The following PAX5 variants were observed in gnomAD, a reference collection of about 807,000 sequenced individuals.
The protein encoded by PAX5 is paired box 5, also known as paired box protein Pax-5.
PAX5 carries 9 observed loss-of-function variants against 43.7 expected under a neutral mutation model. The observed-to-expected ratio is 0.21, with a 90% CI of 0.12 to 0.36. The LOEUF is 0.36. Among genes scored for constraint, PAX5 ranks in the 10% least tolerant of loss-of-function variants. The pLI is 1.00. For missense variants in PAX5, 383 were observed against 532.7 expected (o/e 0.72, Z 2.77); for synonymous variants, 228 against 214.3 (o/e 1.06, Z -0.56).
At chr9:36,941,839 C>T (rs903425140) in intron 6 of PAX5, among the ~76,000 whole-genome samples, 2 of 152,234 alleles carry the variant, frequency 1.3e-5, no homozygotes, top group South Asian at 4.1e-4. Flanking sequence ...GCCTCCAGGA[C>T]ATGAGACTCA....
chr9:36,838,766 G>C lies in PAX5; in HGVS notation c.*1794C>G, dbSNP rs986901752. 4 of 233,306 alleles carry C rather than the reference G, an allele frequency of 1.7e-5. No homozygotes were observed. Among genetic ancestry groups the C allele is most frequent in the African/African-American group, 6.6e-5 (3 of 45,334 alleles). The allele number at this position is 233,306 out of a possible 1,614,324, so 14.5% of individuals were successfully genotyped here. A position where few individuals can be genotyped will look rare whatever the true frequency, so the allele number is the denominator to read the frequency against. On this transcript the variant is annotated 3_prime_UTR_variant, in exon 10 of 10. Coordinates refer to ENST00000358127, the MANE Select transcript of PAX5 (RefSeq NM_016734.3). ...CACAGCCCCGGCTCCCTGGAGAGAGGAGGGGAAGGAAAGAGCTGTGGGGTG... is the reference window on the plus strand; with the variant it reads ...CACAGCCCCGGCTCCCTGGAGAGAGCAGGGGAAGGAAAGAGCTGTGGGGTG...
At chr9:36,930,037 C>T (rs1285728730) in intron 6 of PAX5, among the ~76,000 whole-genome samples, 2 of 150,544 alleles carry the variant, frequency 1.3e-5, no homozygotes, top group East Asian at 4.0e-4. Context: ...GCCACAGACT[C>T]TTATAAGACC....
chr9:36,863,876 T>C (rs75414298), intron 8 of PAX5, among the ~76,000 whole-genome samples: 178 of 152,246 alleles, frequency 1.2e-3, no homozygotes, highest in Middle Eastern at 3.4e-3. Context: ...TTTGGGAGGC[T>C]AAGGTGGGCG....
At position 36,833,695 on chromosome 9, in the gene PAX5, G is replaced by GA. The variant is rs35920033; in HGVS notation, c.*6864dup. ...ACACAAAAGCAACACACGTCACTAA[G>GA]AAAAAAACCACCAATATTTCAAGTC... On this transcript the variant is annotated 3_prime_UTR_variant, in exon 10 of 10. Transcript: ENST00000358127. The GA allele has an allele frequency of 0.037, 8,517 of 231,024 alleles. 195 individuals are homozygous for GA. Among genetic ancestry groups the GA allele is most frequent in the African/African-American group, 0.067 (3,007 of 44,846 alleles). The allele number at this position is 231,024 out of a possible 1,614,324, so 14.3% of individuals were successfully genotyped here.
At chr9:36,977,786 G>A (rs918219295) in intron 5 of PAX5, among the ~76,000 whole-genome samples, 2 of 152,222 alleles carry the variant, frequency 1.3e-5, no homozygotes, top group Non-Finnish European at 2.9e-5. Flanking sequence ...GAACCACCAT[G>A]TCCAGCCTTA....
At chr9:36,965,492 A>T (rs1432665878) in intron 6 of PAX5, among the ~76,000 whole-genome samples, 1 of 152,268 alleles carries the variant, frequency 6.6e-6, no homozygotes, top group Non-Finnish European at 1.5e-5. Context: ...AGACACAGAC[A>T]GACTGTCATA....
In PAX5 at chr9:36,941,481, C is replaced by T. The variant is rs140975099; in HGVS notation, c.781-17997G>A. 9.2e-5 allele frequency among the ~76,000 whole-genome samples: 14 copies of T among 152,256 alleles called. No individual in the cohort carries two copies. In the East Asian group the frequency reaches 2.1e-3, roughly 23 times the overall value. ...CCCATGCATCACCCAGTATGCCGGG[C>T]GTGAATCTCCTGTCCTGGCTCCAGC... On this transcript the variant is annotated intron_variant, in intron 6 of 9. Transcript: ENST00000358127.
Position 36,864,811 on chromosome 9 carries a change from G to A in PAX5, c.1012+17193C>T, listed in dbSNP as rs1824688177. On this transcript the variant is annotated intron_variant, in intron 8 of 9. Coordinates refer to ENST00000358127, the MANE Select transcript of PAX5 (RefSeq NM_016734.3). ...TGCCCCTCGGAGCCCCTCCTGGCTGGAGTGAGGAGGGTGGGCCGGCGCCGG... is the reference window on the plus strand; with the variant it reads ...TGCCCCTCGGAGCCCCTCCTGGCTGAAGTGAGGAGGGTGGGCCGGCGCCGG... 3.3e-5 allele frequency among the ~76,000 whole-genome samples: 5 copies of A among 152,352 alleles called. No individual in the cohort carries two copies. In the South Asian group the frequency reaches 1.0e-3, roughly 32 times the overall value.
chr9:36,910,815 G>T (rs550027490), intron 7 of PAX5, among the ~76,000 whole-genome samples: 1 of 152,148 alleles, frequency 6.6e-6, no homozygotes, highest in African/African-American at 2.4e-5. Context: ...GAGTCAGGCC[G>T]CCGGACCTCT....
chr9:37,012,094 G>A (rs1026945009), intron 3 of PAX5, among the ~76,000 whole-genome samples: 7 of 152,170 alleles, frequency 4.6e-5, no homozygotes, highest in African/African-American at 1.7e-4. Context: ...AGGAGCCAGA[G>A]AATACTCCCA....
chr9:36,840,762 T>G, intron 9 of PAX5, 126 bp from the exon 10 acceptor site: 1 of 624,526 alleles, frequency 1.6e-6, no homozygotes, highest in Non-Finnish European at 2.8e-6. Flanking sequence ...AAGATCTCTG[T>G]CCCAGTCTGT....
chr9:36,973,981 C>T (rs781116510), intron 5 of PAX5, among the ~76,000 whole-genome samples: 1 of 152,116 alleles, frequency 6.6e-6, no homozygotes, highest in African/African-American at 2.4e-5. Context: ...GCCTGGGCAA[C>T]AGAGTAAGAC....
In PAX5 at chr9:37,025,253, C is replaced by A. The variant is rs142914281; in HGVS notation, c.47-4452G>T. On this transcript the variant is annotated intron_variant, in intron 1 of 9. Transcript: ENST00000358127. Reference sequence around the variant, plus strand: ...GAGAAACTGACCTGCCCGCAGCCAGCCCTGGCTGCCTACACAAGCTTTCCC... The same window carrying A: ...GAGAAACTGACCTGCCCGCAGCCAGACCTGGCTGCCTACACAAGCTTTCCC... Among the ~76,000 whole-genome samples, 309 of 152,316 alleles carry A rather than the reference C, an allele frequency of 2.0e-3. 5 individuals are homozygous for A. Among genetic ancestry groups the A allele is most frequent in the South Asian group, 9.1e-3 (44 of 4,822 alleles).
chr9:37,010,089 A>G (rs1838798623), intron 3 of PAX5, among the ~76,000 whole-genome samples: 1 of 152,242 alleles, frequency 6.6e-6, no homozygotes, highest in Non-Finnish European at 1.5e-5. Flanking sequence ...CAAGACTGTA[A>G]TTGAATCATA....
At chr9:36,995,615 A>G (rs539180928) in intron 5 of PAX5, among the ~76,000 whole-genome samples, 9 of 152,338 alleles carry the variant, frequency 5.9e-5, no homozygotes, top group African/African-American at 1.9e-4. Flanking sequence ...AGGGATGCCA[A>G]GGATTTTCCA....
intron 2 of PAX5, among the ~76,000 whole-genome samples, chr9:37,017,764 G>A (rs1376995569): frequency 6.6e-6 from 1 of 152,248 alleles, no homozygotes; most frequent in Admixed American, 6.5e-5. Context: ...AGTGCCAACT[G>A]TGGAAGACTG....
chr9:37,020,840 G>A (rs377368483), intron 1 of PAX5, 39 bp from the exon 2 acceptor site: 1 of 1,606,356 alleles, frequency 6.2e-7, no homozygotes, highest in Non-Finnish European at 8.5e-7. Context: ...GGAAAGGGTA[G>A]TTAGAACCAG....
intron 7 of PAX5, among the ~76,000 whole-genome samples, chr9:36,895,765 T>C (rs1182810940): frequency 6.6e-6 from 1 of 152,116 alleles, no homozygotes; most frequent in African/African-American, 2.4e-5. Context: ...GTTTCTAGGA[T>C]TAGAAACCCT....
At chr9:37,020,520 T>C in intron 2 of PAX5, 116 bp downstream of exon 2, 1 of 1,115,540 alleles carries the variant, frequency 9.0e-7, no homozygotes, top group Non-Finnish European at 1.3e-6. Context: ...GCTCTGCGTG[T>C]GAAACAAAAT....
Sources: allele counts gnomAD v4.1 joint callset (sites outside exome capture counted in the v4.1 genomes callset), GRCh38; gene constraint gnomAD v4.1.1; transcripts MANE v1.5; gene names NCBI Gene and HGNC (gene_info 2026-07-23, HGNC 2026-07-21).